The following PTPRQ variants were observed in gnomAD, a reference collection of about 807,000 sequenced individuals.
The protein encoded by PTPRQ is phosphatidylinositol phosphatase PTPRQ.
A neutral mutation model predicts 246.0 loss-of-function variants in PTPRQ; 199 were observed. The ratio of observed to expected loss-of-function variants is 0.81; its 90% CI spans 0.72 to 0.91. PTPRQ has a LOEUF of 0.91. Among genes scored for constraint, PTPRQ ranks in the 40% least tolerant of loss-of-function variants. The pLI, the probability that PTPRQ is intolerant of heterozygous loss-of-function variation, is 0.00. For synonymous variants in PTPRQ, 869 were observed against 853.2 expected, an observed-to-expected ratio of 1.02 and a Z score of -0.32; for missense variants, 2,624 against 2,528.4, an observed-to-expected ratio of 1.04 and a Z score of -0.81.
intron 9 of PTPRQ, among the ~76,000 whole-genome samples, chr12:80,489,690 C>T (rs567486362): frequency 3.3e-5 from 5 of 151,798 alleles, no homozygotes; most frequent in African/African-American, 4.8e-5. Context: ...TTTTCTCCTT[C>T]GAAGTAAATT....
At chr12:80,655,571 G>C (rs914044674) in intron 38 of PTPRQ, among the ~76,000 whole-genome samples, 1 of 146,872 alleles carries the variant, frequency 6.8e-6, no homozygotes, top group East Asian at 2.0e-4. Context: ...GGTTCTCTCT[G>C]TCTCTCTCTC....
intron 26 of PTPRQ, among the ~76,000 whole-genome samples, chr12:80,592,875 G>A (rs564387930): frequency 6.6e-6 from 1 of 152,046 alleles, no homozygotes; most frequent in Non-Finnish European, 1.5e-5. Context: ...TCCGAACATG[G>A]TGGTGGGCAC....
chr12:80,675,447 T>G (rs1405260449), intron 43 of PTPRQ, among the ~76,000 whole-genome samples: 1 of 152,176 alleles, frequency 6.6e-6, no homozygotes, highest in Non-Finnish European at 1.5e-5. Flanking sequence ...AAAACAAAGA[T>G]AAATGAAAAG....
At position 80,493,470 on chromosome 12, in the gene PTPRQ, G is replaced by T; in HGVS notation, c.1540+15G>T. ...TTCACCAGTTGGTAGGTAGAATTTTGATTTTCTATAAAGTTCATTTAAACC... is the reference window on the plus strand; with the variant it reads ...TTCACCAGTTGGTAGGTAGAATTTTTATTTTCTATAAAGTTCATTTAAACC... On this transcript the variant is annotated intron_variant, in intron 10 of 44. Transcript: ENST00000644991. The T allele has an allele frequency of 2.6e-6, 4 of 1,544,106 alleles. No individual in the cohort carries two copies. Among genetic ancestry groups the T allele is most frequent in the South Asian group, 1.2e-5 (1 of 82,936 alleles).
intron 17 of PTPRQ, among the ~76,000 whole-genome samples, chr12:80,511,588 G>A (rs1238550405): frequency 6.6e-6 from 1 of 152,122 alleles, no homozygotes; most frequent in African/African-American, 2.4e-5. Flanking sequence ...AGGGAATGTT[G>A]GGGGAAGGAG....
chr12:80,513,839 C>G (rs1895197367), intron 17 of PTPRQ, among the ~76,000 whole-genome samples: 1 of 152,160 alleles, frequency 6.6e-6, no homozygotes, highest in Non-Finnish European at 1.5e-5. Flanking sequence ...CCTAGCATGT[C>G]TGTGTTGAAC....
intron 27 of PTPRQ, among the ~76,000 whole-genome samples, chr12:80,609,784 A>G (rs1898479498): frequency 6.6e-6 from 1 of 150,624 alleles, no homozygotes; most frequent in Non-Finnish European, 1.5e-5. Flanking sequence ...AGCAGAAAAT[A>G]TCAAAGTGTA....
intron 17 of PTPRQ, among the ~76,000 whole-genome samples, chr12:80,522,172 T>C (rs1486620526): frequency 6.6e-6 from 1 of 152,162 alleles, no homozygotes; most frequent in East Asian, 1.9e-4. Flanking sequence ...TTGTCTGTTA[T>C]TGGTATATAA....
chr12:80,628,860 G>T (rs566157485), intron 33 of PTPRQ, among the ~76,000 whole-genome samples: 14 of 152,202 alleles, frequency 9.2e-5, no homozygotes, highest in Non-Finnish European at 1.6e-4. Context: ...GGCAGAAAAT[G>T]CAGGGAGTTG....
chr12:80,588,908 C>T (rs1032602543), intron 26 of PTPRQ, among the ~76,000 whole-genome samples: 1 of 152,126 alleles, frequency 6.6e-6, no homozygotes, highest in Non-Finnish European at 1.5e-5. Context: ...GTCTGCAAGT[C>T]GTTTTTCAGC....
intron 35 of PTPRQ, among the ~76,000 whole-genome samples, chr12:80,636,999 C>A (rs1396823859): frequency 2.0e-5 from 3 of 152,048 alleles, no homozygotes; most frequent in Non-Finnish European, 4.4e-5. Context: ...GTGACTCATG[C>A]CTGTAATCCC....
At chr12:80,459,589 AT>A in intron 5 of PTPRQ, 106 bp downstream of exon 5, 1 of 396,494 alleles carries the variant, frequency 2.5e-6, no homozygotes, top group Non-Finnish European at 4.4e-6. Flanking sequence ...TTTATTAGTT[AT>A]TTGATTACTT....
At chr12:80,677,777 T>C (rs1304166724) in intron 43 of PTPRQ, among the ~76,000 whole-genome samples, 2 of 152,220 alleles carry the variant, frequency 1.3e-5, no homozygotes, top group East Asian at 3.8e-4. Context: ...CTGATCACTT[T>C]TGAGAATGTT....
At chr12:80,516,402 T>C (rs1305471358) in intron 17 of PTPRQ, among the ~76,000 whole-genome samples, 1 of 152,192 alleles carries the variant, frequency 6.6e-6, no homozygotes, top group Non-Finnish European at 1.5e-5. Flanking sequence ...TTCTTAGTAG[T>C]AATTATAAGA....
At chr12:80,566,404 G>A (rs1179591816) in intron 25 of PTPRQ, among the ~76,000 whole-genome samples, 1 of 152,060 alleles carries the variant, frequency 6.6e-6, no homozygotes, top group Non-Finnish European at 1.5e-5. Flanking sequence ...CTTGAACCCA[G>A]GAGGCGGAGG....
intron 25 of PTPRQ, among the ~76,000 whole-genome samples, chr12:80,585,813 A>G (rs1897595400): frequency 6.6e-6 from 1 of 150,490 alleles, no homozygotes; most frequent in South Asian, 2.1e-4. Context: ...TACATGTGCC[A>G]TGCTGGTGCG....
intron 8 of PTPRQ, among the ~76,000 whole-genome samples, chr12:80,476,297 TATG>T (rs537608532): frequency 4.8e-4 from 73 of 152,306 alleles, no homozygotes; most frequent in Admixed American, 2.6e-3. Flanking sequence ...TATTGGTAAA[TATG>T]ATGATGCAAA....
At chr12:80,499,147 C>T (rs1894719848) in intron 14 of PTPRQ, among the ~76,000 whole-genome samples, 1 of 151,826 alleles carries the variant, frequency 6.6e-6, no homozygotes, top group Non-Finnish European at 1.5e-5. Context: ...GCCTCCTGAC[C>T]CCCATTACAG....
chr12:80,663,303 G>A (rs967694150), intron 39 of PTPRQ, among the ~76,000 whole-genome samples: 1 of 151,742 alleles, frequency 6.6e-6, no homozygotes, highest in Non-Finnish European at 1.5e-5. Flanking sequence ...ATAATATTTA[G>A]TATACAATAT....
Sources: allele counts gnomAD v4.1 joint callset (sites outside exome capture counted in the v4.1 genomes callset), GRCh38; gene constraint gnomAD v4.1.1; transcripts MANE v1.5; gene names NCBI Gene and HGNC (gene_info 2026-07-23, HGNC 2026-07-21).